The following IRX2 variants were observed in gnomAD, a reference collection of about 807,000 sequenced individuals.
IRX2 encodes iroquois homeobox 2.
In IRX2, 26 loss-of-function variants were observed where a neutral mutation model predicts 42.9. The ratio of observed to expected loss-of-function variants is 0.61; its 90% CI spans 0.44 to 0.84. The LOEUF (loss-of-function observed/expected upper bound fraction) is 0.84. Among genes scored for constraint, IRX2 ranks in the 40% least tolerant of loss-of-function variants. The pLI is 0.00. For synonymous variants in IRX2, 424 were observed against 353.9 expected, an observed-to-expected ratio of 1.20 and a Z score of -2.22; for missense variants, 782 against 713.9, an observed-to-expected ratio of 1.10 and a Z score of -1.09.
Position 2,751,196 on chromosome 5 carries a change from G to GCGGCGT in IRX2, c.212_217dup (p.Asp71_Ala72dup). The stretch of plus-strand genomic sequence containing the variant: ...GGACGGGAAGCCGGCGGCGGCGGCG[G>GCGGCGT]CGGCGTCGGCCGAGTACTGCAGCGG... On this transcript the variant is annotated inframe_insertion, in exon 1 of 4. Transcript: ENST00000302057. The surrounding 1 kb of genome is among the most constrained non-coding windows in gnomAD (Gnocchi z 4.0). 1 of 1,271,608 alleles carries GCGGCGT rather than the reference G, an allele frequency of 7.9e-7. No homozygotes were observed. The highest frequency in any genetic ancestry group is 9.9e-7 in the Non-Finnish European group (1 of 1,011,106). 78.8% of individuals were successfully genotyped at this position (1,271,608 alleles called of 1,614,324 possible).
At position 2,746,765 on chromosome 5, in the gene IRX2, T is replaced by TTC. The variant is rs1553992923; in HGVS notation, c.*798_*799insGA. On this transcript the variant is annotated 3_prime_UTR_variant, in exon 4 of 4. Coordinates refer to ENST00000302057, the MANE Select transcript of IRX2 (RefSeq NM_033267.5). ...GCTGACTTTTTTTTTTTTTTTTTTT[T>TTC]CAAAGCAATTGTGACACCTACCTGT... is the stretch of plus-strand genomic sequence containing the variant. The TTC allele has an allele frequency of 1.4e-4, 21 of 151,038 alleles. No individual in the cohort carries two copies. In the South Asian group the frequency reaches 1.7e-3, roughly 12 times the overall value. The allele number at this position is 151,038 out of a possible 1,614,324, so 9.4% of individuals were successfully genotyped here.
downstream of IRX2, among the ~76,000 whole-genome samples, chr5:2,741,752 C>T (rs1414138902): frequency 6.6e-6 from 1 of 152,184 alleles, no homozygotes; most frequent in African/African-American, 2.4e-5. Context: ...CTGTGAATAT[C>T]GAGTCCGTAT....
In IRX2 at chr5:2,746,881, TTTC is replaced by T. The variant is rs1490492009; in HGVS notation, c.*680_*682del. On this transcript the variant is annotated 3_prime_UTR_variant, in exon 4 of 4. Transcript: ENST00000302057. ...AGTTGATCTGAAGTGGTTCCAAATC[TTTC>T]TTATCTTCAAGATCTATGATTAGTA... 1 of 152,350 alleles carries T rather than the reference TTTC, an allele frequency of 6.6e-6. No homozygotes were observed. The highest frequency in any genetic ancestry group is 6.6e-5 in the Admixed American group (1 of 15,248). 9.4% of individuals were successfully genotyped at this position (152,350 alleles called of 1,614,324 possible).
Position 2,747,288 on chromosome 5 carries a change from T to TACAC in IRX2, c.*272_*275dup, listed in dbSNP as rs113300568. On this transcript the variant is annotated 3_prime_UTR_variant, in exon 4 of 4. Coordinates refer to ENST00000302057, the MANE Select transcript of IRX2 (RefSeq NM_033267.5). ...GTACTATATATATACATATATATAT[T>TACAC]ACACACACACACACACACATATATA... The TACAC allele has an allele frequency of 2.0e-4, 46 of 225,320 alleles. No individual in the cohort carries two copies. The highest frequency in any genetic ancestry group is 6.8e-4 in the African/African-American group (30 of 43,972). The allele number at this position is 225,320 out of a possible 1,614,324, so 14.0% of individuals were successfully genotyped here.
At chr5:2,740,210 G>C in the IRX2 span, among the ~76,000 whole-genome samples, 1 of 151,856 alleles carries the variant, frequency 6.6e-6, no homozygotes, top group Non-Finnish European at 1.5e-5. Context: ...CCATCAGGCT[G>C]ACTTCAGGGT....
chr5:2,751,274 G>A lies in IRX2; in HGVS notation c.140C>T (p.Pro47Leu). The A allele has an allele frequency of 7.0e-7, 1 of 1,427,262 alleles. No homozygotes were observed. The highest frequency in any genetic ancestry group is 9.2e-7 in the Non-Finnish European group (1 of 1,090,544). The allele number at this position is 1,427,262 out of a possible 1,614,324, so 88.4% of individuals were successfully genotyped here. Residue 47 changes from proline (P) to leucine (L), a missense_variant, in exon 1 of 4, where the codon CCC (proline) becomes CTC (leucine). Physicochemically the swap from Pro to Leu is moderately conservative, Grantham distance 98. Around this residue, in one of 3 missense-constraint regions of IRX2, gnomAD observed 256 missense variants for 250.0 expected, o/e 1.02. Coordinates refer to ENST00000302057, the MANE Select transcript of IRX2 (RefSeq NM_033267.5). The surrounding 1 kb of genome is among the most constrained non-coding windows in gnomAD (Gnocchi z 4.0). ...CGTGAAGGCCGCCGAGCCCGGGTAG[G>A]GGCTGAACGCCGAGCCCGACGCCGA... The part of the protein sequence containing the change: ...ARSASGSAFS[P>L]YPGSAAFTAQ...
chr5:2,750,458 C>G (rs1017690297), intron 1 of IRX2, among the ~76,000 whole-genome samples: 1 of 152,252 alleles, frequency 6.6e-6, no homozygotes, highest in African/African-American at 2.4e-5. Context: ...TGCTTCGCCG[C>G]GGCCCGGGCC....
intron 2 of IRX2, 60 bp downstream of exon 2, chr5:2,749,322 T>G: frequency 3.3e-6 from 5 of 1,537,114 alleles, no homozygotes; most frequent in Middle Eastern, 1.9e-4. Context: ...CCGCCTTAGC[T>G]CTGCGCCCCG....
chr5:2,745,749 G>GT (rs1276661922), downstream of IRX2: 1 of 152,064 alleles, frequency 6.6e-6, no homozygotes, highest in Admixed American at 6.5e-5. Flanking sequence ...TAATTTATTG[G>GT]TGGGGGGGTG....
At chr5:2,750,770 C>A (rs1395740953) in intron 1 of IRX2, among the ~76,000 whole-genome samples, 1 of 152,230 alleles carries the variant, frequency 6.6e-6, no homozygotes, top group Non-Finnish European at 1.5e-5. Flanking sequence ...GACGCGGACC[C>A]TCGCGCCCCA....
downstream of IRX2, among the ~76,000 whole-genome samples, chr5:2,741,003 A>T (rs2111434394): frequency 6.6e-6 from 1 of 152,344 alleles, no homozygotes; most frequent in South Asian, 2.1e-4. Flanking sequence ...AGGGTCCAAG[A>T]GGACCCGCGT....
chr5:2,741,493 G>A (rs1040403145), downstream of IRX2, among the ~76,000 whole-genome samples: 1 of 152,204 alleles, frequency 6.6e-6, no homozygotes, highest in South Asian at 2.1e-4. Context: ...GAGGAGAGGT[G>A]TAGGGGTGAG....
chr5:2,751,201 G>T lies in IRX2; in HGVS notation c.213C>A (p.Asp71Glu), dbSNP rs1306829429. The change falls in exon 1 of 4, where the codon GAC (aspartate) becomes GAA (glutamate). Residue 71 changes from aspartate (D) to glutamate (E), a missense_variant. Coordinates refer to ENST00000302057, the MANE Select transcript of IRX2 (RefSeq NM_033267.5). This position sits in a 1 kb window ranked among gnomAD's most constrained non-coding sequence, Gnocchi z 4.0. ...GGAAGCCGGCGGCGGCGGCGGCGGC[G>T]TCGGCCGAGTACTGCAGCGGGCTCC... Reference protein sequence around the residue: ...GFGSPLQYSADAAAAAAGFPS... With the variant: ...GFGSPLQYSAEAAAAAAGFPS... The T allele has an allele frequency of 7.1e-5, 90 of 1,275,870 alleles. No individual in the cohort carries two copies. The East Asian group carries it at 2.3e-3, about 33-fold the overall frequency. 79.0% of individuals were successfully genotyped at this position (1,275,870 alleles called of 1,614,324 possible).
intron 1 of IRX2, among the ~76,000 whole-genome samples, 197 bp from the exon 2 acceptor site, chr5:2,749,984 G>A (rs1344292352): frequency 6.6e-6 from 1 of 152,186 alleles, no homozygotes; most frequent in Non-Finnish European, 1.5e-5. Flanking sequence ...AAGTACCGGA[G>A]TTTTATTCTC....
downstream of IRX2, among the ~76,000 whole-genome samples, chr5:2,741,384 T>C (rs1250438807): frequency 2.7e-5 from 4 of 146,426 alleles, no homozygotes; most frequent in African/African-American, 2.5e-5. Context: ...TCATTATTTA[T>C]AGCAGGAAAA....
Position 2,751,230 on chromosome 5 carries a change from A to T in IRX2, c.184T>A (p.Phe62Ile), listed in dbSNP as rs1257050526. 2 of 1,368,622 alleles carry T rather than the reference A, an allele frequency of 1.5e-6. No homozygotes were observed. Among genetic ancestry groups the T allele is most frequent in the East Asian group, 6.6e-5 (2 of 30,464 alleles). The allele number at this position is 1,368,622 out of a possible 1,614,324, so 84.8% of individuals were successfully genotyped here. The change falls in exon 1 of 4, where the codon TTC becomes ATC. Residue 62 changes from phenylalanine to isoleucine, a missense_variant. By Grantham distance (21) the Phe-to-Ile change is conservative (BLOSUM62 0). Around this residue, in one of 3 missense-constraint regions of IRX2, gnomAD observed 256 missense variants for 250.0 expected, o/e 1.02. Coordinates refer to ENST00000302057, the MANE Select transcript of IRX2 (RefSeq NM_033267.5). The surrounding 1 kb of genome is among the most constrained non-coding windows in gnomAD (Gnocchi z 4.0). ...GCCGAGTACTGCAGCGGGCTCCCGAAGCCGGTGGCCGCCTGCGCCGTGAAG... is the reference window on the plus strand; with the variant it reads ...GCCGAGTACTGCAGCGGGCTCCCGATGCCGGTGGCCGCCTGCGCCGTGAAG... ...AAFTAQAATGFGSPLQYSADA... is the reference protein window; with the variant it reads ...AAFTAQAATGIGSPLQYSADA...
Position 2,747,475 on chromosome 5 carries a change from A to T in IRX2, c.*89T>A. ...AACCCCATGACCAGAAGCAAGAAAA[A>T]CACATTAAGCAAGTTGGTGCTGGGA... On this transcript the variant is annotated 3_prime_UTR_variant, in exon 4 of 4. Coordinates refer to ENST00000302057, the MANE Select transcript of IRX2 (RefSeq NM_033267.5). 8.8e-7 allele frequency: 1 copy of T among 1,130,598 alleles called. No homozygotes were observed. The highest frequency in any genetic ancestry group is 1.3e-6 in the Non-Finnish European group (1 of 753,850). The allele number at this position is 1,130,598 out of a possible 1,614,324, so 70.0% of individuals were successfully genotyped here.
chr5:2,748,530 G>T lies in IRX2; in HGVS notation c.1178C>A (p.Thr393Lys), dbSNP rs1737773688. 1 of 1,580,076 alleles carries T rather than the reference G, an allele frequency of 6.3e-7. No homozygotes were observed. Among genetic ancestry groups the T allele is most frequent in the Admixed American group, 1.8e-5 (1 of 56,652 alleles). Residue 393 changes from threonine (T) to lysine (K), a missense_variant, in exon 3 of 4, where the codon ACA (threonine) becomes AAA (lysine). Thr to Lys is a moderately conservative substitution (Grantham distance 78). This residue lies in a region of IRX2 where 520 missense variants were observed against 437.8 expected (regional missense o/e 1.19). Coordinates refer to ENST00000302057, the MANE Select transcript of IRX2 (RefSeq NM_033267.5). ...YYTSPFYGNY[T>K]NYGNLNAALQ... ...CGCCGCGTTCAAGTTCCCGTAGTTT[G>T]TGTAGTTGCCGTAGAAGGGCGACGT... is the stretch of plus-strand genomic sequence containing the variant.
chr5:2,748,664 G>C lies in IRX2; in HGVS notation c.1044C>G (p.Gly348=). The change falls in exon 3 of 4, where the codon GGC becomes GGG. Residue 348 remains glycine, a synonymous_variant. Coordinates refer to ENST00000302057, the MANE Select transcript of IRX2 (RefSeq NM_033267.5). ...SDLKQPSLGP[G]CGPPGLPAAA... ...CCGCGGGCAGCCCCGGTGGCCCGCA[G>C]CCCGGGCCCAGGCTCGGCTGCTTGA... 2 of 1,384,990 alleles carry C rather than the reference G, an allele frequency of 1.4e-6. No homozygotes were observed. Among genetic ancestry groups the C allele is most frequent in the Non-Finnish European group, 1.9e-6 (2 of 1,071,242 alleles). The allele number at this position is 1,384,990 out of a possible 1,614,324, so 85.8% of individuals were successfully genotyped here.
Sources: allele counts gnomAD v4.1 joint callset (sites outside exome capture counted in the v4.1 genomes callset), GRCh38; gene constraint gnomAD v4.1.1; regional missense constraint gnomAD v4.1.1; non-coding constraint Gnocchi (gnomAD v3.1); transcripts MANE v1.5; gene names NCBI Gene and HGNC (gene_info 2026-07-23, HGNC 2026-07-21).